CTNNA3: variants seen among roughly 807,000 people sequenced by gnomAD.
CTNNA3 encodes catenin alpha-3.
In CTNNA3, 76 loss-of-function variants were observed where a neutral mutation model predicts 95.7. The observed-to-expected ratio is 0.79, with a 90% CI of 0.66 to 0.96. The LOEUF is 0.96. CTNNA3 is among the 40% of genes least tolerant of loss of function. The pLI, the probability that CTNNA3 is intolerant of heterozygous loss-of-function variation, is 0.00. For synonymous variants in CTNNA3, 431 were observed against 374.4 expected (o/e 1.15, Z -1.74); for missense variants, 1,191 against 1,089.8 (o/e 1.09, Z -1.31).
intron 5 of CTNNA3, among the ~76,000 whole-genome samples, chr10:67,488,754 C>T (rs1050126331): frequency 1.3e-5 from 2 of 150,756 alleles, no homozygotes; most frequent in African/African-American, 4.9e-5. Flanking sequence ...ACTGCAACCT[C>T]CGGCTCCCAG....
intron 17 of CTNNA3, among the ~76,000 whole-genome samples, chr10:65,959,994 A>C (rs1228849432): frequency 6.6e-6 from 1 of 152,174 alleles, no homozygotes; most frequent in Non-Finnish European, 1.5e-5. Flanking sequence ...CTGTGAACTT[A>C]GCTTATTTTC....
intron 9 of CTNNA3, among the ~76,000 whole-genome samples, chr10:66,648,295 G>C (rs1324840349): frequency 6.6e-6 from 1 of 152,132 alleles, no homozygotes; most frequent in East Asian, 1.9e-4. Flanking sequence ...CCCATCAAAA[G>C]GGCATTAGGA....
chr10:66,425,897 C>A (rs995288515), intron 11 of CTNNA3, among the ~76,000 whole-genome samples: 3 of 152,038 alleles, frequency 2.0e-5, no homozygotes, highest in African/African-American at 7.2e-5. Context: ...CCCATACAGA[C>A]CCACTGCTCT....
chr10:66,080,432 G>A lies in CTNNA3; in HGVS notation c.1978-10943C>T, dbSNP rs200835423. 2.6e-5 allele frequency among the ~76,000 whole-genome samples: 4 copies of A among 152,200 alleles called. No individual in the cohort carries two copies. The East Asian group carries it at 5.8e-4, about 22-fold the overall frequency. On this transcript the variant is annotated intron_variant, in intron 14 of 17. Coordinates refer to ENST00000433211, the MANE Select transcript of CTNNA3 (RefSeq NM_013266.4). ...TTATATATGTCATTTGTGTACATGTGAAGGTTTGTGAAAATGTTTAGGGAC... is the reference window on the plus strand; with the variant it reads ...TTATATATGTCATTTGTGTACATGTAAAGGTTTGTGAAAATGTTTAGGGAC...
chr10:66,443,400 C>T (rs974110812), intron 11 of CTNNA3, among the ~76,000 whole-genome samples: 10 of 152,150 alleles, frequency 6.6e-5, no homozygotes, highest in South Asian at 2.1e-4. Flanking sequence ...AACTGGGAGG[C>T]GCCCCCCAGT....
intron 3 of CTNNA3, among the ~76,000 whole-genome samples, chr10:67,571,103 T>C (rs546079615): frequency 6.6e-6 from 1 of 152,108 alleles, no homozygotes; most frequent in Non-Finnish European, 1.5e-5. Flanking sequence ...CCACAGTGCC[T>C]CTCTAATATT....
chr10:67,590,149 T>C (rs891963452), intron 3 of CTNNA3, among the ~76,000 whole-genome samples: 1 of 152,118 alleles, frequency 6.6e-6, no homozygotes, highest in Non-Finnish European at 1.5e-5. Flanking sequence ...CAATATCATG[T>C]ATAAGCAGCA....
intron 5 of CTNNA3, among the ~76,000 whole-genome samples, chr10:67,471,026 G>A (rs2133027062): frequency 6.6e-6 from 1 of 151,976 alleles, no homozygotes; most frequent in Non-Finnish European, 1.5e-5. Context: ...ATGTCGGCCA[G>A]GCTACTCTCA....
intron 5 of CTNNA3, among the ~76,000 whole-genome samples, chr10:67,234,930 A>G (rs1369856862): frequency 6.8e-6 from 1 of 146,174 alleles, no homozygotes; most frequent in Admixed American, 6.7e-5. Flanking sequence ...CAAAGAGAAT[A>G]AAATACCTAG....
At chr10:67,430,752 C>T (rs950641614) in intron 5 of CTNNA3, among the ~76,000 whole-genome samples, 1 of 150,340 alleles carries the variant, frequency 6.7e-6, no homozygotes, top group Non-Finnish European at 1.5e-5. Context: ...GATTAAAATA[C>T]TGTATATGCA....
At chr10:67,267,376 T>G (rs2132407298) in intron 5 of CTNNA3, among the ~76,000 whole-genome samples, 1 of 152,328 alleles carries the variant, frequency 6.6e-6, no homozygotes, top group African/African-American at 2.4e-5. Context: ...CTTCTTTTTT[T>G]GTTTTTGAGA....
chr10:67,582,683 T>C (rs1022696433), intron 3 of CTNNA3, among the ~76,000 whole-genome samples: 2 of 151,770 alleles, frequency 1.3e-5, no homozygotes, highest in African/African-American at 4.8e-5. Flanking sequence ...ATTATTATTG[T>C]GTGGGAGTCT....
At chr10:67,708,372 C>T (rs766398581) in intron 1 of CTNNA3, among the ~76,000 whole-genome samples, 1 of 152,086 alleles carries the variant, frequency 6.6e-6, no homozygotes, top group Non-Finnish European at 1.5e-5. Context: ...CATCTCAATC[C>T]CTTGAATATA....
At chr10:66,781,251 G>A (rs1425777162) in intron 7 of CTNNA3, among the ~76,000 whole-genome samples, 1 of 152,060 alleles carries the variant, frequency 6.6e-6, no homozygotes, top group Non-Finnish European at 1.5e-5. Flanking sequence ...TTTTTGTTTT[G>A]TAAGTGTGTG....
chr10:67,077,903 CAG>C (rs1856817451), intron 7 of CTNNA3, among the ~76,000 whole-genome samples: 1 of 152,012 alleles, frequency 6.6e-6, no homozygotes, highest in Non-Finnish European at 1.5e-5. Context: ...TCTAGATTAA[CAG>C]AGGAGGAAGG....
At chr10:67,407,982 C>T (rs1845203807) in intron 5 of CTNNA3, among the ~76,000 whole-genome samples, 1 of 152,058 alleles carries the variant, frequency 6.6e-6, no homozygotes, top group African/African-American at 2.4e-5. Context: ...AAATGAACTC[C>T]CATTCACAGT....
chr10:67,387,562 C>A (rs1273754719), intron 5 of CTNNA3, among the ~76,000 whole-genome samples: 6 of 152,334 alleles, frequency 3.9e-5, no homozygotes, highest in African/African-American at 1.4e-4. Flanking sequence ...CCCACCACAG[C>A]TCAAGGAGGC....
At chr10:66,167,265 G>A (rs1302828775) in intron 13 of CTNNA3, among the ~76,000 whole-genome samples, 1 of 151,988 alleles carries the variant, frequency 6.6e-6, no homozygotes, top group East Asian at 1.9e-4. Flanking sequence ...TATTTTAAAA[G>A]GAGGCAAATA....
chr10:67,236,649 C>T (rs1425542534), intron 5 of CTNNA3, among the ~76,000 whole-genome samples: 3 of 150,790 alleles, frequency 2.0e-5, no homozygotes, highest in Non-Finnish European at 3.0e-5. Context: ...TACCCTAAAC[C>T]TTAAAGTATA....
Sources: allele counts gnomAD v4.1 joint callset (sites outside exome capture counted in the v4.1 genomes callset), GRCh38; gene constraint gnomAD v4.1.1; transcripts MANE v1.5; gene names NCBI Gene and HGNC (gene_info 2026-07-23, HGNC 2026-07-21).